Variants in TBC1D5 observed in about 807,000 individuals in gnomAD.
TBC1D5 encodes TBC1 domain family member 5, also known as TBC1 domain family, member 5.
A neutral mutation model predicts 100.3 loss-of-function variants in TBC1D5; 75 were observed. That is an observed-to-expected ratio of 0.75 (90% CI 0.62 to 0.91). The LOEUF is 0.91. Ranked by LOEUF, TBC1D5 falls within the 40% of genes least tolerant of loss-of-function variation. The pLI is 0.00. For synonymous variants in TBC1D5, 323 were observed against 325.6 expected (o/e 0.99, Z 0.09); for missense variants, 910 against 942.4 (o/e 0.97, Z 0.45).
intron 17 of TBC1D5, among the ~76,000 whole-genome samples, chr3:17,214,896 C>T (rs893913864): frequency 1.3e-5 from 2 of 152,030 alleles, no homozygotes; most frequent in African/African-American, 4.8e-5. Flanking sequence ...GTGAAGTACC[C>T]GCTTTGCAGC....
At chr3:17,240,752 C>G (rs181562885) in intron 16 of TBC1D5, among the ~76,000 whole-genome samples, 2 of 152,066 alleles carry the variant, frequency 1.3e-5, no homozygotes, top group East Asian at 3.9e-4. Context: ...TCATAATTCC[C>G]AGATATGAAG....
intron 13 of TBC1D5, among the ~76,000 whole-genome samples, chr3:17,356,134 TTTTCAAAGGTGTGTAAC>T (rs2091193269): frequency 6.6e-6 from 1 of 152,178 alleles, no homozygotes; most frequent in African/African-American, 2.4e-5. Flanking sequence ...CATTGTGTTA[TTTTCAAAGGTGTGTAAC>T]TTTAAAATTG....
At chr3:17,355,900 T>TG in intron 13 of TBC1D5, among the ~76,000 whole-genome samples, 1 of 152,182 alleles carries the variant, frequency 6.6e-6, no homozygotes, top group Non-Finnish European at 1.5e-5. Flanking sequence ...GTTTCTAATG[T>TG]GGCTCCTATT....
At chr3:17,652,980 T>C (rs1290838367) in intron 1 of TBC1D5, among the ~76,000 whole-genome samples, 1 of 152,110 alleles carries the variant, frequency 6.6e-6, no homozygotes, top group Admixed American at 6.5e-5. Context: ...TAAGAAGAAA[T>C]GAGGTACTGA....
intron 21 of TBC1D5, among the ~76,000 whole-genome samples, chr3:17,162,261 T>TG (rs1278498046): frequency 6.6e-6 from 1 of 152,232 alleles, no homozygotes; most frequent in Non-Finnish European, 1.5e-5. Flanking sequence ...TGGAGACCGC[T>TG]GACTGGAAGT....
At chr3:17,689,366 C>T (rs1451155654) in intron 1 of TBC1D5, among the ~76,000 whole-genome samples, 2 of 151,782 alleles carry the variant, frequency 1.3e-5, no homozygotes, top group Non-Finnish European at 2.9e-5. Flanking sequence ...GGCGAAACCC[C>T]GTCTATTCTA....
chr3:17,715,502 T>C (rs1013416253), intron 1 of TBC1D5, among the ~76,000 whole-genome samples: 1 of 152,140 alleles, frequency 6.6e-6, no homozygotes, highest in African/African-American at 2.4e-5. Context: ...AAAAGAAGGA[T>C]CTATCAAAGT....
intron 9 of TBC1D5, among the ~76,000 whole-genome samples, chr3:17,383,651 A>G (rs1301260699): frequency 6.6e-6 from 1 of 152,058 alleles, no homozygotes; most frequent in African/African-American, 2.4e-5. Context: ...TGCTGTTTAT[A>G]AACAAACTCC....
intron 15 of TBC1D5, among the ~76,000 whole-genome samples, chr3:17,267,922 C>T (rs1489903518): frequency 6.6e-6 from 1 of 152,016 alleles, no homozygotes; most frequent in African/African-American, 2.4e-5. Context: ...AGGTCATTTG[C>T]TTCCACTGTA....
intron 17 of TBC1D5, among the ~76,000 whole-genome samples, chr3:17,227,344 A>G (rs747958923): frequency 6.6e-5 from 10 of 152,314 alleles, no homozygotes; most frequent in Non-Finnish European, 1.0e-4. Context: ...GCTCCCTGCC[A>G]TCAATATGTA....
chr3:17,597,701 CTT>C (rs538235405), intron 2 of TBC1D5, among the ~76,000 whole-genome samples: 162 of 152,292 alleles, frequency 1.1e-3, no homozygotes, highest in African/African-American at 3.5e-3. Flanking sequence ...CAAAATGACT[CTT>C]AATCTCATAT....
chr3:17,591,761 G>A (rs1270864697), intron 2 of TBC1D5, among the ~76,000 whole-genome samples: 2 of 152,228 alleles, frequency 1.3e-5, no homozygotes, highest in African/African-American at 4.8e-5. Flanking sequence ...CTATTATGGT[G>A]GGAAAGGCCA....
At position 17,702,787 on chromosome 3, in the gene TBC1D5, A is replaced by G. The variant is rs181702640; in HGVS notation, c.-101+36556T>C. Among the ~76,000 whole-genome samples the G allele has an allele frequency of 2.0e-5, 3 of 152,292 alleles. No individual in the cohort carries two copies. In the East Asian group the frequency reaches 5.8e-4, roughly 29 times the overall value. On this transcript the variant is annotated intron_variant, in intron 1 of 21. Coordinates refer to ENST00000253692, the Ensembl canonical transcript of TBC1D5. Reference sequence around the variant, plus strand: ...CTCATATGGTACTACCTCCAAGGGTAGAAAAAAAGCTGGCCTGAGTGATTA... The same window carrying G: ...CTCATATGGTACTACCTCCAAGGGTGGAAAAAAAGCTGGCCTGAGTGATTA...
chr3:17,489,822 G>C (rs1438912243), intron 3 of TBC1D5, among the ~76,000 whole-genome samples: 2 of 152,182 alleles, frequency 1.3e-5, no homozygotes, highest in Non-Finnish European at 2.9e-5. Flanking sequence ...GAACATATGT[G>C]TGCATGTATC....
intron 1 of TBC1D5, among the ~76,000 whole-genome samples, chr3:17,669,251 G>A (rs2067650483): frequency 6.6e-6 from 1 of 152,106 alleles, no homozygotes; most frequent in Admixed American, 6.5e-5. Flanking sequence ...ATGATTGTAA[G>A]TTTCCTGAGG....
chr3:17,247,927 G>A (rs2076870950), intron 16 of TBC1D5, among the ~76,000 whole-genome samples: 1 of 151,760 alleles, frequency 6.6e-6, no homozygotes, highest in Non-Finnish European at 1.5e-5. Flanking sequence ...ACAATTTTAG[G>A]CTCCACTTAT....
At chr3:17,384,850 G>C (rs545472395) in intron 8 of TBC1D5, among the ~76,000 whole-genome samples, 28 of 152,062 alleles carry the variant, frequency 1.8e-4, no homozygotes, top group African/African-American at 6.3e-4. Context: ...GAGTAAGGCT[G>C]GAAAGAACTT....
At chr3:17,575,296 C>G (rs1474203734) in intron 2 of TBC1D5, 2 of 148,136 alleles carry the variant, frequency 1.4e-5, no homozygotes, top group Non-Finnish European at 3.0e-5. Flanking sequence ...GTCTTGGCGA[C>G]AGAGTGAATA....
At chr3:17,343,215 T>C (rs2089287307) in intron 13 of TBC1D5, among the ~76,000 whole-genome samples, 1 of 152,216 alleles carries the variant, frequency 6.6e-6, no homozygotes, top group African/African-American at 2.4e-5. Context: ...TCTGCATCTA[T>C]TGAGATAATC....
Sources: allele counts gnomAD v4.1 joint callset (sites outside exome capture counted in the v4.1 genomes callset), GRCh38; gene constraint gnomAD v4.1.1; transcripts MANE v1.5; gene names NCBI Gene and HGNC (gene_info 2026-07-23, HGNC 2026-07-21).